Variants in PDLIM5 observed in about 807,000 individuals in gnomAD.
PDLIM5 encodes PDZ and LIM domain protein 5.
In PDLIM5, 34 loss-of-function variants were observed where a neutral mutation model predicts 64.2. That is an observed-to-expected ratio of 0.53 (90% confidence interval 0.40 to 0.71). PDLIM5 has a LOEUF of 0.71. Among genes scored for constraint, PDLIM5 ranks in the 30% least tolerant of loss-of-function variants. PDLIM5 has a pLI of 0.00. For missense variants in PDLIM5, 683 were observed against 733.6 expected (o/e 0.93, Z 0.80); for synonymous variants, 253 against 269.1 (o/e 0.94, Z 0.59).
At position 94,585,684 on chromosome 4, in the gene PDLIM5, C is replaced by G. The variant is rs751288885; in HGVS notation, c.830C>G (p.Thr277Arg). Residue 277 changes from threonine to arginine, a missense_variant, in exon 6 of 13, where the codon ACA (threonine) becomes AGA (arginine). Physicochemically the swap from Thr to Arg is moderately conservative, Grantham distance 71 (BLOSUM62 -1). Transcript: ENST00000317968. ...DTEDWRPRTG[T>R]TQSRSFRILA... is the part of the protein sequence containing the mutation. Reference sequence around the variant, plus strand: ...GAAGACTGGCGTCCAAGGACTGGAACAACTCAGTCTCGCTCTTTCCGAATC... The same window carrying G: ...GAAGACTGGCGTCCAAGGACTGGAAGAACTCAGTCTCGCTCTTTCCGAATC... 1 of 1,613,754 alleles carries G rather than the reference C, an allele frequency of 6.2e-7. No homozygotes were observed. The highest frequency in any genetic ancestry group is 8.5e-7 in the Non-Finnish European group (1 of 1,179,770).
rs1385712522 is a variant in PDLIM5, at chr4:94,623,973, A to T, written c.1108+5782A>T. ...CATTATTTATTTTTGGAAATTAAAAAATAATAACAGTTGTAAAGCCCCATG... is the reference window on the plus strand; with the variant it reads ...CATTATTTATTTTTGGAAATTAAAATATAATAACAGTTGTAAAGCCCCATG... On this transcript the variant is annotated intron_variant, in intron 8 of 12. Coordinates refer to ENST00000317968, the MANE Select transcript of PDLIM5 (RefSeq NM_006457.5). Among the ~76,000 whole-genome samples, 3 of 152,270 alleles carry T rather than the reference A, an allele frequency of 2.0e-5. No homozygotes were observed. The East Asian group carries it at 5.8e-4, about 29-fold the overall frequency.
intron 10 of PDLIM5, 131 bp from the exon 11 acceptor site, chr4:94,657,296 A>G (rs925304338): frequency 1.7e-6 from 1 of 590,462 alleles, no homozygotes; most frequent in Non-Finnish European, 3.0e-6. Flanking sequence ...GGAAAGCTCA[A>G]GACAAAAATG....
chr4:94,513,306 A>G (rs572188286), intron 2 of PDLIM5, among the ~76,000 whole-genome samples: 1 of 152,178 alleles, frequency 6.6e-6, no homozygotes, highest in African/African-American at 2.4e-5. Context: ...CATTGAATTT[A>G]TAGATTGCTT....
intron 8 of PDLIM5, among the ~76,000 whole-genome samples, chr4:94,625,381 A>G (rs767222908): frequency 1.9e-4 from 29 of 152,248 alleles, no homozygotes; most frequent in Middle Eastern, 3.4e-3. Context: ...AAATAAAAAC[A>G]TATATTGATA....
At chr4:94,482,988 G>A (rs2126109208) in intron 2 of PDLIM5, among the ~76,000 whole-genome samples, 1 of 152,258 alleles carries the variant, frequency 6.6e-6, no homozygotes, top group South Asian at 2.1e-4. Flanking sequence ...TTATTCCTTG[G>A]TGAATTTATT....
At chr4:94,589,964 A>G (rs1285370079) in intron 7 of PDLIM5, among the ~76,000 whole-genome samples, 1 of 151,818 alleles carries the variant, frequency 6.6e-6, no homozygotes, top group East Asian at 1.9e-4. Context: ...TTTAGTAGAG[A>G]CAGGGTTTCA....
chr4:94,646,117 C>T (rs1284037786), intron 9 of PDLIM5, among the ~76,000 whole-genome samples: 1 of 152,160 alleles, frequency 6.6e-6, no homozygotes, highest in African/African-American at 2.4e-5. Flanking sequence ...ATCACTGGCA[C>T]AGAAATCAAA....
intron 3 of PDLIM5, among the ~76,000 whole-genome samples, chr4:94,567,867 G>C (rs1325648424): frequency 3.9e-5 from 6 of 152,114 alleles, no homozygotes; most frequent in African/African-American, 2.4e-5. Context: ...AGTGCTGTGT[G>C]GTATGAATTT....
chr4:94,481,548 T>C (rs932599901), intron 2 of PDLIM5, among the ~76,000 whole-genome samples: 4 of 151,936 alleles, frequency 2.6e-5, no homozygotes, highest in Non-Finnish European at 5.9e-5. Context: ...CCGAAAGTGC[T>C]GGGATTATAG....
At chr4:94,582,731 T>C in intron 5 of PDLIM5, 1 of 1,571,902 alleles carries the variant, frequency 6.4e-7, no homozygotes, top group South Asian at 1.1e-5. Context: ...CCTGGCACTG[T>C]GTAAGTACTT....
At position 94,575,879 on chromosome 4, in the gene PDLIM5, T is replaced by C. The variant is rs889913250; in HGVS notation, c.555T>C (p.Leu185=). Residue 185 remains leucine (L), a synonymous_variant, in exon 5 of 13, where the codon CTT becomes CTC. Coordinates refer to ENST00000317968, the MANE Select transcript of PDLIM5 (RefSeq NM_006457.5). ...CTGGACTGCATGCTAATGCCAATCT[T>C]AGTGCTGACCAGTCTCCATCTGCAC... The part of the protein sequence containing the change: ...AASGLHANAN[L]SADQSPSALS... 6.2e-7 allele frequency: 1 copy of C among 1,614,144 alleles called. No homozygotes were observed. The highest frequency in any genetic ancestry group is 1.7e-5 in the Admixed American group (1 of 60,030).
chr4:94,546,239 C>G (rs533754010), intron 3 of PDLIM5, among the ~76,000 whole-genome samples: 2 of 152,078 alleles, frequency 1.3e-5, no homozygotes, highest in African/African-American at 4.8e-5. Flanking sequence ...AGTACTGTCC[C>G]TGGTTATTAA....
At chr4:94,638,660 T>C (rs1304138484) in intron 8 of PDLIM5, among the ~76,000 whole-genome samples, 1 of 152,242 alleles carries the variant, frequency 6.6e-6, no homozygotes, top group Non-Finnish European at 1.5e-5. Flanking sequence ...TGTTAATTTG[T>C]ATTATTTGTA....
chr4:94,541,781 C>T (rs1398837552), intron 3 of PDLIM5, among the ~76,000 whole-genome samples: 1 of 152,146 alleles, frequency 6.6e-6, no homozygotes, highest in Non-Finnish European at 1.5e-5. Context: ...CCAGCGCCTC[C>T]CCTGGGAGTC....
intron 8 of PDLIM5, among the ~76,000 whole-genome samples, chr4:94,629,723 C>T (rs1739990692): frequency 6.6e-6 from 1 of 152,218 alleles, no homozygotes; most frequent in Non-Finnish European, 1.5e-5. Context: ...CTTGGGTGCA[C>T]CTGTTCCAGT....
In PDLIM5 at chr4:94,575,923, C is replaced by A. The variant is rs766001990; in HGVS notation, c.599C>A (p.Ala200Glu). The A allele has an allele frequency of 2.5e-5, 40 of 1,614,072 alleles. No individual in the cohort carries two copies. Among genetic ancestry groups the A allele is most frequent in the Non-Finnish European group, 3.2e-5 (38 of 1,179,944 alleles). ...TCTGCACTGAGCGCTGGTAAAACTG[C>A]AGTTAATGTCCCACGGCAGCCCACA... ...SPSALSAGKT[A>E]VNVPRQPTVT... Residue 200 changes from alanine (A) to glutamate (E), a missense_variant, in exon 5 of 13, where the codon GCA becomes GAA. Physicochemically the swap from Ala to Glu is moderately radical, Grantham distance 107. Transcript: ENST00000317968.
At chr4:94,524,050 CT>C (rs1730105000) in intron 3 of PDLIM5, among the ~76,000 whole-genome samples, 175 bp downstream of exon 3, 1 of 152,080 alleles carries the variant, frequency 6.6e-6, no homozygotes. Context: ...TTGCTGAAAG[CT>C]ATGAGTTATT....
chr4:94,660,014 A>AC (rs1283065916), intron 11 of PDLIM5, among the ~76,000 whole-genome samples: 4 of 146,342 alleles, frequency 2.7e-5, no homozygotes, highest in African/African-American at 1.0e-4. Flanking sequence ...CTTCTGCCTC[A>AC]CCTCTCAAGT....
rs182352993 is a variant in PDLIM5, at chr4:94,456,323, C to T, written c.96+939C>T. The T allele has an allele frequency of 1.0e-3, 562 of 546,014 alleles. 3 individuals carry two copies. The highest frequency in any genetic ancestry group is 8.9e-3 in the African/African-American group (458 of 51,634). 33.8% of individuals were successfully genotyped at this position (546,014 alleles called of 1,614,324 possible). A position where few individuals can be genotyped will look rare whatever the true frequency, so the allele number is the denominator to read the frequency against. On this transcript the variant is annotated intron_variant, in intron 2 of 12. Coordinates refer to ENST00000317968, the MANE Select transcript of PDLIM5 (RefSeq NM_006457.5). ...AAGCGATTCTCCTGCCTCAGCCTCC[C>T]GAGTAGCTGGGATTACAGGCATGTG... is the stretch of plus-strand genomic sequence containing the variant.
Sources: allele counts gnomAD v4.1 joint callset (sites outside exome capture counted in the v4.1 genomes callset), GRCh38; gene constraint gnomAD v4.1.1; transcripts MANE v1.5; gene names NCBI Gene and HGNC (gene_info 2026-07-23, HGNC 2026-07-21).